Variants in ARHGAP44 observed in about 807,000 individuals in gnomAD.
ARHGAP44 encodes the protein rho GTPase-activating protein 44.
Under a neutral mutation model 106.8 loss-of-function variants are expected in ARHGAP44, and 43 were observed. That is an observed-to-expected ratio of 0.40 (90% CI 0.32 to 0.52). The LOEUF (loss-of-function observed/expected upper bound fraction) is 0.52. Ranked by LOEUF, ARHGAP44 falls within the 20% of genes least tolerant of loss-of-function variation. The pLI is 0.48. For synonymous variants in ARHGAP44, 439 were observed against 410.3 expected (o/e 1.07, Z -0.85); for missense variants, 866 against 1,050.5 (o/e 0.82, Z 2.43).
chr17:12,911,176 G>C (rs1357633660), intron 4 of ARHGAP44, among the ~76,000 whole-genome samples: 1 of 152,050 alleles, frequency 6.6e-6, no homozygotes, highest in Non-Finnish European at 1.5e-5. Flanking sequence ...GAAAATTTCA[G>C]GTTGACAGAC....
rs78607648 is a variant in ARHGAP44 at position 12,841,028 on chromosome 17, C to T, written c.53+51137C>T. On this transcript the variant is annotated intron_variant, in intron 1 of 20. Transcript: ENST00000379672. Reference sequence around the variant, plus strand: ...ATTAACGTGCACCGTCTTCCGTGCCCGAGGGACGTCTGAGCAGGTGAAAGC... The same window carrying T: ...ATTAACGTGCACCGTCTTCCGTGCCTGAGGGACGTCTGAGCAGGTGAAAGC... Among the ~76,000 whole-genome samples, 599 of 152,184 alleles carry T rather than the reference C, an allele frequency of 3.9e-3. 2 individuals are homozygous for T. Among genetic ancestry groups the T allele is most frequent in the Non-Finnish European group, 6.7e-3 (456 of 68,020 alleles).
At chr17:12,948,925 G>T (rs2038928033) in intron 10 of ARHGAP44, among the ~76,000 whole-genome samples, 1 of 152,150 alleles carries the variant, frequency 6.6e-6, no homozygotes, top group South Asian at 2.1e-4. Flanking sequence ...GAGGCTGTGG[G>T]GACACAACAG....
At chr17:12,894,852 G>A (rs2037154501) in intron 1 of ARHGAP44, 88 bp from the exon 2 acceptor site, 2 of 1,181,218 alleles carry the variant, frequency 1.7e-6, no homozygotes, top group Admixed American at 2.2e-5. Flanking sequence ...TGTTTTTCTG[G>A]TATTGCCTTA....
intron 7 of ARHGAP44, among the ~76,000 whole-genome samples, chr17:12,940,777 C>T (rs1240837688): frequency 2.6e-5 from 4 of 152,170 alleles, no homozygotes; most frequent in African/African-American, 9.7e-5. Context: ...AACTAATTTG[C>T]ACATCACTCC....
At chr17:12,965,838 G>C (rs1444465921) in intron 16 of ARHGAP44, among the ~76,000 whole-genome samples, 1 of 152,102 alleles carries the variant, frequency 6.6e-6, no homozygotes, top group Non-Finnish European at 1.5e-5. Context: ...AGATCCTGTG[G>C]TGGAGGGTTG....
At chr17:12,916,265 C>T (rs1346245714) in intron 5 of ARHGAP44, among the ~76,000 whole-genome samples, 4 of 152,270 alleles carry the variant, frequency 2.6e-5, no homozygotes, top group Non-Finnish European at 4.4e-5. Context: ...GGCAGCTTAC[C>T]CGCTTCCCCA....
At chr17:12,875,711 AG>A (rs1338555111) in intron 1 of ARHGAP44, among the ~76,000 whole-genome samples, 2 of 152,228 alleles carry the variant, frequency 1.3e-5, no homozygotes, top group Non-Finnish European at 2.9e-5. Context: ...TGGGAGGCCA[AG>A]GCAGGTGGAT....
chr17:12,953,200 G>A (rs1482502815), intron 13 of ARHGAP44, among the ~76,000 whole-genome samples: 2 of 152,066 alleles, frequency 1.3e-5, no homozygotes, highest in Admixed American at 6.6e-5. Flanking sequence ...CCCCATTCCC[G>A]AGCCCTAGCT....
At chr17:12,852,760 C>T (rs920180084) in intron 1 of ARHGAP44, among the ~76,000 whole-genome samples, 3 of 152,106 alleles carry the variant, frequency 2.0e-5, no homozygotes, top group Non-Finnish European at 4.4e-5. Context: ...CCAGAATGGT[C>T]TTGATCTCCT....
chr17:12,880,137 A>T (rs2036681886), intron 1 of ARHGAP44, among the ~76,000 whole-genome samples: 1 of 152,144 alleles, frequency 6.6e-6, no homozygotes, highest in Non-Finnish European at 1.5e-5. Context: ...ATCTTGTAGG[A>T]ATCATTTATG....
intron 16 of ARHGAP44, 159 bp downstream of exon 16, chr17:12,959,056 G>A (rs747062541): frequency 2.2e-6 from 2 of 898,610 alleles, no homozygotes; most frequent in Non-Finnish European, 3.4e-6. Flanking sequence ...TGTCTGGGAT[G>A]AGTTTCTTTG....
chr17:12,843,582 C>T (rs545946767), intron 1 of ARHGAP44, among the ~76,000 whole-genome samples: 1 of 151,446 alleles, frequency 6.6e-6, no homozygotes, highest in East Asian at 1.9e-4. Context: ...TGGTTTATAT[C>T]CTGACTGTTG....
intron 1 of ARHGAP44, among the ~76,000 whole-genome samples, chr17:12,810,261 C>G (rs1288614866): frequency 1.3e-5 from 2 of 152,180 alleles, no homozygotes; most frequent in African/African-American, 4.8e-5. Context: ...TATTCTTGCA[C>G]AGTTCTGCAG....
At chr17:12,903,136 AGAGAGTGTGTGTGTGTGTGTGTGT>A (rs2037440321) in intron 3 of ARHGAP44, among the ~76,000 whole-genome samples, 1 of 118,622 alleles carries the variant, frequency 8.4e-6, no homozygotes, top group African/African-American at 3.2e-5. Flanking sequence ...GGAGAGAGAG[AGAGAGTGTGTGTGTGTGTGTGTGT>A]GTGTGTGTGT....
At chr17:12,855,572 G>T in intron 1 of ARHGAP44, among the ~76,000 whole-genome samples, 1 of 150,888 alleles carries the variant, frequency 6.6e-6, no homozygotes, top group African/African-American at 2.4e-5. Context: ...TATTTTTCTG[G>T]GTGGGTGGTC....
At chr17:12,979,392 G>A (rs2039775871) in intron 18 of ARHGAP44, among the ~76,000 whole-genome samples, 3 of 152,152 alleles carry the variant, frequency 2.0e-5, no homozygotes, top group Admixed American at 2.0e-4. Context: ...AGAGGTCAGA[G>A]GCCAGAGCCC....
At chr17:12,872,269 A>T (rs530747022) in intron 1 of ARHGAP44, among the ~76,000 whole-genome samples, 3 of 151,992 alleles carry the variant, frequency 2.0e-5, no homozygotes. Flanking sequence ...TCCATCTGTT[A>T]TTTTGACTGC....
At chr17:12,802,922 C>T (rs1597861358) in intron 1 of ARHGAP44, among the ~76,000 whole-genome samples, 1 of 83,930 alleles carries the variant, frequency 1.2e-5, no homozygotes, top group Non-Finnish European at 2.3e-5. Context: ...CCATACCTGG[C>T]TAATTTATAT....
chr17:12,940,479 A>G (rs565365891), intron 7 of ARHGAP44, among the ~76,000 whole-genome samples: 7 of 152,310 alleles, frequency 4.6e-5, no homozygotes, highest in Admixed American at 2.0e-4. Context: ...TGATAACACC[A>G]TTAGATCTGT....
Sources: gnomAD v4.1 joint callset for allele counts (sites outside exome capture counted in the v4.1 genomes callset) on GRCh38, gnomAD v4.1.1 for gene constraint, MANE v1.5 for transcripts, NCBI Gene and HGNC (gene_info 2026-07-23, HGNC 2026-07-21) for gene names.